The following ELFN2 variants were observed in gnomAD, a reference collection of about 807,000 sequenced individuals.
The protein encoded by ELFN2 is protein phosphatase 1 regulatory subunit 29.
ELFN2 carries 17 observed loss-of-function variants against 45.5 expected under a neutral mutation model. The ratio of observed to expected loss-of-function variants is 0.37; its 90% CI spans 0.26 to 0.56. The LOEUF (loss-of-function observed/expected upper bound fraction) is 0.56. Ranked by LOEUF, ELFN2 falls within the 20% of genes least tolerant of loss-of-function variation. The probability of loss-of-function intolerance (pLI) is 0.77; values close to 1 mark genes in which losing one functional copy is unlikely to be tolerated. For missense variants in ELFN2, 922 were observed against 1,183.2 expected (o/e 0.78, Z 3.24); for synonymous variants, 550 against 551.5 (o/e 1.00, Z 0.04).
At chr22:37,388,339 C>T (rs1222180224) in intron 2 of ELFN2, among the ~76,000 whole-genome samples, 1 of 152,136 alleles carries the variant, frequency 6.6e-6, no homozygotes, top group Non-Finnish European at 1.5e-5. Flanking sequence ...TGTGCTTCCT[C>T]CATCACAACC....
Position 37,374,231 on chromosome 22 carries a change from T to C in ELFN2, c.1304A>G (p.Lys435Arg). Residue 435 changes from lysine (K) to arginine (R), a missense_variant, in exon 3 of 3, where the codon AAG becomes AGG. Physicochemically the swap from Lys to Arg is conservative, Grantham distance 26. Around this residue, in one of 2 missense-constraint regions of ELFN2, gnomAD observed 564 missense variants for 642.8 expected, o/e 0.88. Coordinates refer to ENST00000402918, the MANE Select transcript of ELFN2 (RefSeq NM_052906.5). The part of the protein sequence containing the change: ...QEEKQKSVNV[K>R]KTILEMRYGA... ...GTAGCGCATCTCCAGGATGGTCTTC[T>C]TGACGTTGACAGACTTCTGCTTCTC... 1.2e-6 allele frequency: 2 copies of C among 1,614,002 alleles called. No individual in the cohort carries two copies. Among genetic ancestry groups the C allele is most frequent in the Non-Finnish European group, 1.7e-6 (2 of 1,180,030 alleles).
intron 2 of ELFN2, among the ~76,000 whole-genome samples, chr22:37,380,088 AG>A (rs1931708890): frequency 6.6e-6 from 1 of 152,128 alleles, no homozygotes; most frequent in Non-Finnish European, 1.5e-5. Flanking sequence ...ACATCCTCTC[AG>A]CCCCCCGCTA....
chr22:37,413,403 CAAA>C (rs3041591), intron 2 of ELFN2, among the ~76,000 whole-genome samples: 1 of 137,560 alleles, frequency 7.3e-6, no homozygotes, highest in African/African-American at 2.6e-5. Flanking sequence ...CCCGTCTCTA[CAAA>C]AAAAAAAAAG....
intron 2 of ELFN2, among the ~76,000 whole-genome samples, chr22:37,389,278 A>C (rs1044696206): frequency 6.6e-6 from 1 of 152,048 alleles, no homozygotes; most frequent in Non-Finnish European, 1.5e-5. Context: ...CTGGCCCCAG[A>C]ATAGAGCTCA....
chr22:37,399,373 A>G (rs1932303359), intron 2 of ELFN2, among the ~76,000 whole-genome samples: 1 of 152,098 alleles, frequency 6.6e-6, no homozygotes, highest in African/African-American at 2.4e-5. Context: ...GCCCAGGCCC[A>G]TACTGGCTCC....
intron 2 of ELFN2, among the ~76,000 whole-genome samples, chr22:37,376,381 T>C (rs1264036624): frequency 6.7e-6 from 1 of 148,254 alleles, no homozygotes; most frequent in African/African-American, 2.5e-5. Context: ...CAGACCTCCA[T>C]GGCATGCACA....
rs1157240422 is a variant in ELFN2 at position 37,373,644 on chromosome 22, C to T, written c.1891G>A (p.Val631Met). ...CTCTTGATGGAACCACTGGACGACACGCTGCAGGTCTTGCGGGTCACGGCC... is the reference window on the plus strand; with the variant it reads ...CTCTTGATGGAACCACTGGACGACATGCTGCAGGTCTTGCGGGTCACGGCC... ...DAAVTRKTCS[V>M]SSSGSIKSAK... Residue 631 changes from valine to methionine, a missense_variant, in exon 3 of 3, where the codon GTG becomes ATG. This residue lies in a region of ELFN2 where 564 missense variants were observed against 642.8 expected (regional missense o/e 0.88). Transcript: ENST00000402918. 1.3e-5 allele frequency: 20 copies of T among 1,590,428 alleles called. No individual in the cohort carries two copies. The highest frequency in any genetic ancestry group is 1.7e-5 in the Non-Finnish European group (20 of 1,169,298).
rs755815695 is a variant in ELFN2 at position 37,374,188 on chromosome 22, G to T, written c.1347C>A (p.Ala449=). 6.2e-7 allele frequency: 1 copy of T among 1,613,452 alleles called. No individual in the cohort carries two copies. Among genetic ancestry groups the T allele is most frequent in the South Asian group, 1.1e-5 (1 of 91,078 alleles). Residue 449 remains alanine, a synonymous_variant, in exon 3 of 3, where the codon GCC becomes GCA. Coordinates refer to ENST00000402918, the MANE Select transcript of ELFN2 (RefSeq NM_052906.5). ...TCTGGGCGGCGTGCACAATGGAGCC[G>T]GCATCCACATCAGCCCCGTAGCGCA... The part of the protein sequence containing the change: ...LEMRYGADVD[A]GSIVHAAQKL...
chr22:37,367,421 G>C (rs567063198), downstream of ELFN2, among the ~76,000 whole-genome samples: 30 of 152,360 alleles, frequency 2.0e-4, no homozygotes, highest in African/African-American at 6.7e-4. Flanking sequence ...GGGTGGGCCA[G>C]GGGCCCAGGA....
Position 37,373,295 on chromosome 22 carries a change from G to A in ELFN2, c.2240C>T (p.Ser747Phe). The change falls in exon 3 of 3, where the codon TCC (serine) becomes TTC (phenylalanine). Residue 747 changes from serine to phenylalanine, a missense_variant. Transcript: ENST00000402918. ...GTACCCTGAGTAGTAGTGTCTGGGG[G>A]AGAGCTGCGAGTAGGTGGAGTCACG... is the stretch of plus-strand genomic sequence containing the variant. ...SKRDSTYSQL[S>F]PRHYYSGYSS... 1.2e-6 allele frequency: 2 copies of A among 1,613,784 alleles called. No individual in the cohort carries two copies. The highest frequency in any genetic ancestry group is 1.7e-6 in the Non-Finnish European group (2 of 1,179,968).
At position 37,375,991 on chromosome 22, in the gene ELFN2, T is replaced by C. The variant is rs140940698; in HGVS notation, c.-457A>G. The C allele has an allele frequency of 1.3e-4, 25 of 189,646 alleles. No individual in the cohort carries two copies. In the East Asian group the frequency reaches 4.0e-3, roughly 30 times the overall value. 11.7% of individuals were successfully genotyped at this position (189,646 alleles called of 1,614,324 possible). A position where few individuals can be genotyped will look rare whatever the true frequency, so the allele number is the denominator to read the frequency against. On this transcript the variant is annotated 5_prime_UTR_variant, in exon 3 of 3. Coordinates refer to ENST00000402918, the MANE Select transcript of ELFN2 (RefSeq NM_052906.5). ...AGGAAGGAAGAGACCCATCTGCACC[T>C]GGTTCCTGAAAGGCAGCATCGAGAG...
At chr22:37,348,852 T>C (rs1161359584) in intron 1 of ELFN2, among the ~76,000 whole-genome samples, 2 of 150,528 alleles carry the variant, frequency 1.3e-5, no homozygotes, top group Non-Finnish European at 3.0e-5. Flanking sequence ...GAGAAAATCA[T>C]AAATATGATG....
intron 1 of ELFN2, among the ~76,000 whole-genome samples, chr22:37,351,817 C>T (rs1381841416): frequency 6.6e-6 from 1 of 151,116 alleles, no homozygotes; most frequent in African/African-American, 2.4e-5. Flanking sequence ...GCTCTGGTGG[C>T]GGCCCCATTT....
intron 1 of ELFN2, among the ~76,000 whole-genome samples, chr22:37,361,482 G>A (rs1042847078): frequency 5.3e-5 from 8 of 151,950 alleles, no homozygotes; most frequent in African/African-American, 1.9e-4. Context: ...CCGCAGGGTC[G>A]TTCCCTCCTC....
At chr22:37,412,110 C>T (rs1330498271) in intron 2 of ELFN2, among the ~76,000 whole-genome samples, 2 of 151,832 alleles carry the variant, frequency 1.3e-5, no homozygotes. Context: ...TTTGGGAGGC[C>T]GAGGCAGGTG....
intron 2 of ELFN2, among the ~76,000 whole-genome samples, chr22:37,411,203 G>A (rs189536211): frequency 5.9e-5 from 9 of 152,322 alleles, no homozygotes; most frequent in East Asian, 1.9e-4. Context: ...GGGCCCATGG[G>A]CCTGATCACT....
At position 37,373,158 on chromosome 22, in the gene ELFN2, G is replaced by A. The variant is rs368759580; in HGVS notation, c.2377C>T (p.Arg793Cys). ...EVYMAAGHAL[R>C]KKVQFAKDED... is the part of the protein sequence containing the mutation. ...TCCTTGGCGAACTGGACCTTCTTGC[G>A]CAGGGCGTGACCGGCGGCCATGTAC... The change falls in exon 3 of 3, where the codon CGC becomes TGC. Residue 793 changes from arginine to cysteine, a missense_variant. Around this residue, in one of 2 missense-constraint regions of ELFN2, gnomAD observed 564 missense variants for 642.8 expected, o/e 0.88. Coordinates refer to ENST00000402918, the MANE Select transcript of ELFN2 (RefSeq NM_052906.5). 5.6e-6 allele frequency: 9 copies of A among 1,613,638 alleles called. No homozygotes were observed. The highest frequency in any genetic ancestry group is 1.7e-5 in the Admixed American group (1 of 60,004).
chr22:37,396,145 C>T (rs991582774), intron 2 of ELFN2, among the ~76,000 whole-genome samples: 2 of 152,340 alleles, frequency 1.3e-5, no homozygotes, highest in South Asian at 2.1e-4. Flanking sequence ...AACTCACAGA[C>T]GGACAAATGC....
At chr22:37,378,785 C>A (rs117288396) in intron 2 of ELFN2, among the ~76,000 whole-genome samples, 1 of 152,240 alleles carries the variant, frequency 6.6e-6, no homozygotes, top group African/African-American at 2.4e-5. Flanking sequence ...GCCTGCCACC[C>A]GTGGAGACCT....
Sources: gnomAD v4.1 joint callset for allele counts (sites outside exome capture counted in the v4.1 genomes callset) on GRCh38, gnomAD v4.1.1 for gene constraint, gnomAD v4.1.1 regional missense constraint, MANE v1.5 for transcripts, NCBI Gene and HGNC (gene_info 2026-07-23, HGNC 2026-07-21) for gene names.